USP34: variants seen among roughly 807,000 people sequenced by gnomAD.
USP34 encodes ubiquitin carboxyl-terminal hydrolase 34.
USP34 carries 70 observed loss-of-function variants against 460.3 expected under a neutral mutation model. That is an observed-to-expected ratio of 0.15 (90% CI 0.13 to 0.19). The LOEUF is 0.19. Ranked by LOEUF, USP34 falls within the 10% of genes least tolerant of loss-of-function variation. The pLI, the probability that USP34 is intolerant of heterozygous loss-of-function variation, is 1.00. For synonymous variants in USP34, 1,647 were observed against 1,405.3 expected (o/e 1.17, Z -3.85); for missense variants, 3,985 against 4,236.2 (o/e 0.94, Z 1.65).
chr2:61,298,197 C>A (rs1241101305), intron 29 of USP34, among the ~76,000 whole-genome samples: 1 of 151,466 alleles, frequency 6.6e-6, no homozygotes, highest in African/African-American at 2.4e-5. Flanking sequence ...CAAAAAATCC[C>A]TGTTATCAAC....
intron 1 of USP34, among the ~76,000 whole-genome samples, chr2:61,452,046 C>T (rs901972443): frequency 7.3e-5 from 11 of 151,238 alleles, no homozygotes; most frequent in African/African-American, 1.9e-4. Flanking sequence ...TGGTGGCGGG[C>T]GCCTGTAGTC....
intron 50 of USP34, among the ~76,000 whole-genome samples, chr2:61,245,952 T>C (rs966258387): frequency 2.0e-5 from 3 of 152,084 alleles, no homozygotes; most frequent in African/African-American, 7.2e-5. Context: ...GTCCTCCCAA[T>C]AGGAGGTGAA....
intron 5 of USP34, among the ~76,000 whole-genome samples, chr2:61,387,956 CACATAT>C (rs1461098597): frequency 2.9e-3 from 404 of 141,330 alleles, no homozygotes; most frequent in Non-Finnish European, 4.1e-3. Flanking sequence ...CACACACACA[CACATAT>C]ATATATATAA....
intron 75 of USP34, among the ~76,000 whole-genome samples, chr2:61,202,172 T>C (rs914108121): frequency 6.6e-6 from 1 of 152,224 alleles, no homozygotes; most frequent in Non-Finnish European, 1.5e-5. Context: ...TCTTGGATAA[T>C]GAATTCTAAG....
At chr2:61,323,505 A>T (rs1690991298) in intron 21 of USP34, among the ~76,000 whole-genome samples, 1 of 126,826 alleles carries the variant, frequency 7.9e-6, no homozygotes, top group Non-Finnish European at 1.6e-5. Context: ...ACAGAGCAAG[A>T]CTCCGCCTCA....
chr2:61,452,494 T>A (rs1695313912), intron 1 of USP34, among the ~76,000 whole-genome samples: 1 of 151,768 alleles, frequency 6.6e-6, no homozygotes, highest in African/African-American at 2.4e-5. Context: ...CCTACTAATT[T>A]TTGTATTTTG....
At chr2:61,388,219 G>A (rs1198930682) in intron 5 of USP34, among the ~76,000 whole-genome samples, 1 of 151,984 alleles carries the variant, frequency 6.6e-6, no homozygotes, top group African/African-American at 2.4e-5. Context: ...CTCTGGCCTG[G>A]GTGACAAGAG....
chr2:61,428,199 A>G (rs1221488952), intron 1 of USP34, among the ~76,000 whole-genome samples: 1 of 151,624 alleles, frequency 6.6e-6, no homozygotes, highest in Non-Finnish European at 1.5e-5. Flanking sequence ...ATCTTAAACA[A>G]AGGCAAAAAT....
intron 5 of USP34, among the ~76,000 whole-genome samples, chr2:61,391,379 T>C (rs1693339965): frequency 1.3e-5 from 2 of 152,162 alleles, no homozygotes; most frequent in African/African-American, 4.8e-5. Context: ...ATGGGATCAT[T>C]TCCTGAGTCC....
intron 5 of USP34, among the ~76,000 whole-genome samples, chr2:61,391,917 TAACA>T (rs1478678495): frequency 1.6e-4 from 25 of 152,222 alleles, no homozygotes; most frequent in East Asian, 3.9e-4. Context: ...CTCAGAAAAT[TAACA>T]AACAGATTAT....
intron 44 of USP34, among the ~76,000 whole-genome samples, chr2:61,258,205 A>T (rs924129533): frequency 2.0e-5 from 3 of 152,030 alleles, no homozygotes; most frequent in Non-Finnish European, 4.4e-5. Context: ...AATAAAGAAG[A>T]TAGCCAGGCA....
chr2:61,286,980 G>T (rs1689709539), intron 34 of USP34, among the ~76,000 whole-genome samples: 2 of 152,134 alleles, frequency 1.3e-5, no homozygotes, highest in South Asian at 4.1e-4. Flanking sequence ...TTATAACCTG[G>T]AAAGTTTATT....
rs375045619 is a variant in USP34, at chr2:61,257,319, G to A, written c.5876C>T (p.Pro1959Leu). 3.6e-5 allele frequency: 58 copies of A among 1,610,598 alleles called. No homozygotes were observed. The highest frequency in any genetic ancestry group is 4.8e-5 in the Non-Finnish European group (56 of 1,178,670). The part of the protein sequence containing the change: ...ESECKAYNPR[P>L]FCKTYTMDKQ... ...ATCCATGGTGTATGTTTTACAGAAAGGTCTAGGATTATATGCTTTGCATTC... is the reference window on the plus strand; with the variant it reads ...ATCCATGGTGTATGTTTTACAGAAAAGTCTAGGATTATATGCTTTGCATTC... The change falls in exon 45 of 80, where the codon CCT becomes CTT. Residue 1959 changes from proline (P) to leucine (L), a missense_variant. Transcript: ENST00000398571.
chr2:61,341,271 C>A (rs1193337657), intron 16 of USP34, among the ~76,000 whole-genome samples: 1 of 152,174 alleles, frequency 6.6e-6, no homozygotes, highest in Non-Finnish European at 1.5e-5. Flanking sequence ...ATGAACAAAT[C>A]TTTTCACAGA....
At chr2:61,406,738 C>G (rs1375660191) in intron 2 of USP34, among the ~76,000 whole-genome samples, 3 of 151,104 alleles carry the variant, frequency 2.0e-5, no homozygotes, top group East Asian at 1.9e-4. Flanking sequence ...GGCGCAGTGG[C>G]TCACGCCTGT....
Position 61,319,286 on chromosome 2 carries a change from C to T in USP34, c.3055G>A (p.Val1019Ile). 6.3e-7 allele frequency: 1 copy of T among 1,580,240 alleles called. No homozygotes were observed. Among genetic ancestry groups the T allele is most frequent in the Non-Finnish European group, 8.5e-7 (1 of 1,170,200 alleles). Reference protein sequence around the residue: ...EQVDILWHCLVEDSECYDDAL... With the variant: ...EQVDILWHCLIEDSECYDDAL... ...TCATCATAACATTCAGAATCTTCTA[C>T]TAAACAATGCCATAAGATGTCAACT... The change falls in exon 22 of 80, where the codon GTA becomes ATA. Residue 1019 changes from valine to isoleucine, a missense_variant. By Grantham distance (29) the Val-to-Ile change is conservative. This residue lies in a region of USP34 where 1,114 missense variants were observed against 1,122.5 expected (regional missense o/e 0.99). Transcript: ENST00000398571.
Position 61,241,569 on chromosome 2 carries a change from C to A in USP34, c.6768G>T (p.Glu2256Asp). The change falls in exon 53 of 80, where the codon GAG becomes GAT. Residue 2256 changes from glutamate (E) to aspartate (D), a missense_variant. This residue lies in a region of USP34 where 604 missense variants were observed against 684.8 expected (regional missense o/e 0.88). Coordinates refer to ENST00000398571, the MANE Select transcript of USP34 (RefSeq NM_014709.4). ...GREYKFDVSS[E>D]LLEWIWHDNM... ...TGAAATTAACTTATACCTCTAGTAA[C>A]TCTGACGAAACATCAAATTTGTATT... 2 of 1,601,414 alleles carry A rather than the reference C, an allele frequency of 1.2e-6. No homozygotes were observed. Among genetic ancestry groups the A allele is most frequent in the Non-Finnish European group, 1.7e-6 (2 of 1,176,290 alleles).
chr2:61,363,592 C>A (rs1174431871), intron 10 of USP34, among the ~76,000 whole-genome samples: 1 of 152,154 alleles, frequency 6.6e-6, no homozygotes, highest in Non-Finnish European at 1.5e-5. Context: ...ACAGTTATCA[C>A]AATGTCATGA....
At chr2:61,269,295 G>C (rs752684670) in intron 41 of USP34, among the ~76,000 whole-genome samples, 85 of 149,580 alleles carry the variant, frequency 5.7e-4, no homozygotes, top group Non-Finnish European at 8.4e-4. Flanking sequence ...TGCGTAGCTT[G>C]GACTATAGAT....
Sources: gnomAD v4.1 joint callset for allele counts (sites outside exome capture counted in the v4.1 genomes callset) on GRCh38, gnomAD v4.1.1 for gene constraint, gnomAD v4.1.1 regional missense constraint, MANE v1.5 for transcripts, NCBI Gene and HGNC (gene_info 2026-07-23, HGNC 2026-07-21) for gene names.